CDYL2: variants seen among roughly 807,000 people sequenced by gnomAD.
CDYL2 encodes the protein chromodomain Y like 2.
In CDYL2, 23 loss-of-function variants were observed where a neutral mutation model predicts 49.4. That is an observed-to-expected ratio of 0.47 (90% confidence interval 0.34 to 0.66). The LOEUF is 0.66. Among genes scored for constraint, CDYL2 ranks in the 30% least tolerant of loss-of-function variants. The probability of loss-of-function intolerance (pLI) is 0.01; values close to 1 mark genes in which losing one functional copy is unlikely to be tolerated. For synonymous variants in CDYL2, 360 were observed against 268.8 expected, an observed-to-expected ratio of 1.34 and a Z score of -3.32; for missense variants, 678 against 656.4, an observed-to-expected ratio of 1.03 and a Z score of -0.36.
chr16:80,800,086 A>C (rs756054260), intron 1 of CDYL2, among the ~76,000 whole-genome samples: 1 of 152,224 alleles, frequency 6.6e-6, no homozygotes, highest in Non-Finnish European at 1.5e-5. Context: ...ACAGGGAAAG[A>C]GAAAGACTTA....
At chr16:80,737,166 G>C (rs1905564985) in intron 1 of CDYL2, among the ~76,000 whole-genome samples, 1 of 152,132 alleles carries the variant, frequency 6.6e-6, no homozygotes, top group African/African-American at 2.4e-5. Flanking sequence ...CCCAGACCAA[G>C]TCTGCTTGTA....
intron 1 of CDYL2, among the ~76,000 whole-genome samples, chr16:80,764,559 G>A (rs1473678051): frequency 3.3e-5 from 5 of 152,062 alleles, no homozygotes; most frequent in Admixed American, 1.3e-4. Context: ...CTATGTTGCT[G>A]GAACAAGAAT....
intron 2 of CDYL2, among the ~76,000 whole-genome samples, chr16:80,660,724 G>A (rs1909006375): frequency 6.6e-6 from 1 of 152,194 alleles, no homozygotes. Flanking sequence ...AAGATTTCCT[G>A]AGGAGAAACT....
intron 2 of CDYL2, among the ~76,000 whole-genome samples, chr16:80,650,176 G>C (rs1376777838): frequency 3.3e-5 from 5 of 152,102 alleles, no homozygotes; most frequent in Non-Finnish European, 5.9e-5. Context: ...ACAAAGTGAA[G>C]AGACAAGCCA....
intron 3 of CDYL2, among the ~76,000 whole-genome samples, chr16:80,622,192 G>A (rs1907112743): frequency 6.6e-6 from 1 of 152,298 alleles, no homozygotes; most frequent in South Asian, 2.1e-4. Flanking sequence ...CAGCCCCAGA[G>A]CACGCAGCCA....
intron 1 of CDYL2, among the ~76,000 whole-genome samples, chr16:80,739,392 G>C (rs1248265752): frequency 6.6e-6 from 1 of 152,160 alleles, no homozygotes; most frequent in African/African-American, 2.4e-5. Flanking sequence ...CTTAAAAATG[G>C]TTAAGATGGT....
At chr16:80,801,599 G>A (rs1308192569) in intron 1 of CDYL2, among the ~76,000 whole-genome samples, 1 of 152,256 alleles carries the variant, frequency 6.6e-6, no homozygotes, top group Non-Finnish European at 1.5e-5. Flanking sequence ...CTTGAGTAGA[G>A]ATTGCGAGAA....
intron 1 of CDYL2, among the ~76,000 whole-genome samples, chr16:80,748,079 G>C (rs1418040424): frequency 6.6e-6 from 1 of 150,942 alleles, no homozygotes; most frequent in Non-Finnish European, 1.5e-5. Context: ...CACCAGTTCA[G>C]CCATGGAGCC....
intron 1 of CDYL2, among the ~76,000 whole-genome samples, chr16:80,718,574 G>A (rs572951901): frequency 6.6e-6 from 1 of 152,186 alleles, no homozygotes; most frequent in Non-Finnish European, 1.5e-5. Flanking sequence ...TCCGTGACAA[G>A]GCAAGCTGGA....
intron 2 of CDYL2, among the ~76,000 whole-genome samples, chr16:80,673,299 G>A (rs901325570): frequency 1.9e-4 from 29 of 152,152 alleles, no homozygotes; most frequent in Admixed American, 1.0e-3. Flanking sequence ...CAGCCTGGGC[G>A]ACAGAGCAAG....
intron 1 of CDYL2, among the ~76,000 whole-genome samples, chr16:80,759,636 G>A (rs1906460016): frequency 1.3e-5 from 2 of 152,234 alleles, no homozygotes; most frequent in South Asian, 4.1e-4. Flanking sequence ...CTTCTCTGAG[G>A]TGGAAAAACA....
At chr16:80,775,024 T>C (rs1432011705) in intron 1 of CDYL2, among the ~76,000 whole-genome samples, 1 of 152,010 alleles carries the variant, frequency 6.6e-6, no homozygotes, top group Non-Finnish European at 1.5e-5. Flanking sequence ...AGAAATATTA[T>C]TTCAAATTAG....
chr16:80,793,912 A>C (rs913436115), intron 1 of CDYL2, among the ~76,000 whole-genome samples: 1 of 152,226 alleles, frequency 6.6e-6, no homozygotes, highest in South Asian at 2.1e-4. Context: ...CAGTCTCGGC[A>C]GTCAATTTCT....
intron 2 of CDYL2, among the ~76,000 whole-genome samples, chr16:80,668,178 G>C (rs957747390): frequency 6.6e-6 from 1 of 152,360 alleles, no homozygotes; most frequent in African/African-American, 2.4e-5. Context: ...GCCAAAAACA[G>C]GGAGGCCGTT....
chr16:80,643,239 C>A (rs1182236215), intron 2 of CDYL2, among the ~76,000 whole-genome samples: 1 of 152,216 alleles, frequency 6.6e-6, no homozygotes, highest in East Asian at 1.9e-4. Flanking sequence ...TCTCCTTTGA[C>A]TCCAGGTCTC....
chr16:80,690,668 G>C (rs1910380018), intron 1 of CDYL2, among the ~76,000 whole-genome samples: 1 of 152,044 alleles, frequency 6.6e-6, no homozygotes, highest in Non-Finnish European at 1.5e-5. Context: ...ACCTGACCAA[G>C]GCTGGCAGCA....
intron 1 of CDYL2, among the ~76,000 whole-genome samples, chr16:80,688,698 C>A (rs566514164): frequency 3.3e-4 from 50 of 152,182 alleles, no homozygotes; most frequent in Non-Finnish European, 6.6e-4. Context: ...ATCTTCTATA[C>A]ATCTTTGTGT....
chr16:80,615,485 G>A lies in CDYL2; in HGVS notation c.1008-2649C>T, dbSNP rs868463372. ...ATTCCCTCCATAACATTCCAACGAT[G>A]CATCATTCCGCCTCTGCTGGACGTT... is the stretch of plus-strand genomic sequence containing the variant. On this transcript the variant is annotated intron_variant, in intron 4 of 6. Coordinates refer to ENST00000570137, the MANE Select transcript of CDYL2 (RefSeq NM_152342.4). 4.6e-5 allele frequency among the ~76,000 whole-genome samples: 7 copies of A among 152,150 alleles called. No homozygotes were observed. The South Asian group carries it at 6.2e-4, about 14-fold the overall frequency.
intron 3 of CDYL2, among the ~76,000 whole-genome samples, chr16:80,623,522 C>T (rs1419907965): frequency 6.6e-6 from 1 of 152,156 alleles, no homozygotes; most frequent in Non-Finnish European, 1.5e-5. Flanking sequence ...CTTCACATTC[C>T]TAGGAGCTGC....
Sources: gnomAD v4.1 joint callset for allele counts (sites outside exome capture counted in the v4.1 genomes callset) on GRCh38, gnomAD v4.1.1 for gene constraint, MANE v1.5 for transcripts, NCBI Gene and HGNC (gene_info 2026-07-23, HGNC 2026-07-21) for gene names.